The following SLC5A11 variants were observed in gnomAD, a reference collection of about 807,000 sequenced individuals.
The protein encoded by SLC5A11 is sodium/myo-inositol cotransporter 2.
SLC5A11 carries 48 observed loss-of-function variants against 69.8 expected under a neutral mutation model. The observed-to-expected ratio is 0.69, with a 90% CI of 0.55 to 0.87. The LOEUF (loss-of-function observed/expected upper bound fraction) is 0.87. Among genes scored for constraint, SLC5A11 ranks in the 40% least tolerant of loss-of-function variants. SLC5A11 has a pLI of 0.00. For synonymous variants in SLC5A11, 319 were observed against 342.4 expected, an observed-to-expected ratio of 0.93 and a Z score of 0.75; for missense variants, 784 against 866.1, an observed-to-expected ratio of 0.91 and a Z score of 1.19.
At chr16:24,901,841 T>C (rs2049615167) in intron 10 of SLC5A11, among the ~76,000 whole-genome samples, 1 of 151,312 alleles carries the variant, frequency 6.6e-6, no homozygotes, top group Non-Finnish European at 1.5e-5. Context: ...TCCCAGCTCT[T>C]TGGGAGGCCA....
chr16:24,908,252 G>C (rs2050222920), intron 13 of SLC5A11, 121 bp downstream of exon 14: 4 of 1,158,320 alleles, frequency 3.5e-6, no homozygotes, highest in Admixed American at 2.5e-5. Flanking sequence ...GAGAGGGAGG[G>C]TGAGTTCCAT....
intron 1 of SLC5A11, among the ~76,000 whole-genome samples, chr16:24,851,050 A>G (rs1174873722): frequency 3.3e-5 from 5 of 151,506 alleles, no homozygotes. Flanking sequence ...ACCTCAAGCA[A>G]TCCACCTGCC....
chr16:24,848,341 G>C (rs938968804), intron 1 of SLC5A11, among the ~76,000 whole-genome samples: 16 of 150,692 alleles, frequency 1.1e-4, no homozygotes, highest in African/African-American at 3.6e-4. Flanking sequence ...GGGTGAGGTG[G>C]CTCATGCCTG....
At chr16:24,896,506 A>AT (rs2049176007) in intron 9 of SLC5A11, among the ~76,000 whole-genome samples, 1 of 152,034 alleles carries the variant, frequency 6.6e-6, no homozygotes, top group African/African-American at 2.4e-5. Context: ...TAAAAAAAAA[A>AT]GGCATTTTAA....
chr16:24,893,116 C>CAAAAAAAAAAAAAAA (rs58331547), intron 9 of SLC5A11, among the ~76,000 whole-genome samples: 1 of 99,094 alleles, frequency 1.0e-5, no homozygotes, highest in African/African-American at 5.0e-5. Flanking sequence ...ACTAAAAATA[C>CAAAAAAAAAAAAAAA]AAAAAAAAAA....
rs1443035551 is a variant in SLC5A11, at chr16:24,905,640, G to GCGCACACA, written c.1007-1016_1007-1015insGCACACAC. On this transcript the variant is annotated intron_variant, in intron 10 of 15. Coordinates refer to ENST00000347898, the Ensembl canonical transcript of SLC5A11. ...CCATCTCAAAAACACGCGCGCGCGC[G>GCGCACACA]CACACACACACACACACACACACAC... Among the ~76,000 whole-genome samples, 112 of 136,780 alleles carry GCGCACACA rather than the reference G, an allele frequency of 8.2e-4. 1 individual carries two copies. Among genetic ancestry groups the GCGCACACA allele is most frequent in the African/African-American group, 2.7e-3 (96 of 35,502 alleles). The allele number at this position is 136,780 out of a possible 152,430, so 89.7% of individuals were successfully genotyped here.
intron 8 of SLC5A11, among the ~76,000 whole-genome samples, chr16:24,887,112 C>A (rs2048446935): frequency 6.6e-6 from 1 of 152,126 alleles, no homozygotes; most frequent in African/African-American, 2.4e-5. Flanking sequence ...AAAGTTGTAT[C>A]CTAAGTAAGG....
intron 1 of SLC5A11, among the ~76,000 whole-genome samples, chr16:24,850,606 C>T (rs8054332): frequency 0.21 from 31,804 of 152,048 alleles, 4,548 homozygotes; most frequent in African/African-American, 0.41. Context: ...CCACGTGTCT[C>T]GGGGTAGTTA....
At chr16:24,855,434 CAAAAA>C (rs143252263) in intron 1 of SLC5A11, among the ~76,000 whole-genome samples, 1 of 90,122 alleles carries the variant, frequency 1.1e-5, no homozygotes, top group South Asian at 3.4e-4. Context: ...TTCATCTCTA[CAAAAA>C]AAAAAAAAAA....
At chr16:24,858,557 A>G in intron 1 of SLC5A11, 63 bp from the exon 3 acceptor site, 1 of 1,472,182 alleles carries the variant, frequency 6.8e-7, no homozygotes, top group Admixed American at 2.0e-5. Flanking sequence ...GGAGGTAGCT[A>G]CAGAAAGGGT....
At chr16:24,895,333 AC>A (rs2049080713) in intron 9 of SLC5A11, among the ~76,000 whole-genome samples, 1 of 151,382 alleles carries the variant, frequency 6.6e-6, no homozygotes, top group Non-Finnish European at 1.5e-5. Flanking sequence ...TACTAAAAAT[AC>A]AAAAATTAGC....
Position 24,849,593 on chromosome 16 carries a change from AATATATATATATATAT to A in SLC5A11, c.-25+3170_-25+3185del, listed in dbSNP as rs1555515955. On this transcript the variant is annotated intron_variant, in intron 1 of 15. Transcript: ENST00000347898. ...GGGGCAAAAAAAAAAAAAAAAAAAA[AATATATATATATATAT>A]ATATATATATATATCCATGAGAGAT... Among the ~76,000 whole-genome samples the A allele has an allele frequency of 4.7e-4, 17 of 35,922 alleles. 1 individual carries two copies. The Admixed American group carries it at 5.3e-3, about 11-fold the overall frequency. The allele number at this position is 35,922 out of a possible 152,430, so 23.6% of individuals were successfully genotyped here.
At position 24,867,995 on chromosome 16, in the gene SLC5A11, G is replaced by T. The variant is rs922922403; in HGVS notation, c.208-1906G>T. ...CTACTAAAATACAAAAAATTAGCTG[G>T]TTGTGGTGGCATGTGCTTGTAATCC... On this transcript the variant is annotated intron_variant, in intron 3 of 15. Transcript: ENST00000347898. Among the ~76,000 whole-genome samples, 7 of 151,834 alleles carry T rather than the reference G, an allele frequency of 4.6e-5. No homozygotes were observed. The East Asian group carries it at 1.2e-3, about 25-fold the overall frequency.
At chr16:24,852,534 A>G (rs974749538) in intron 1 of SLC5A11, among the ~76,000 whole-genome samples, 3 of 152,212 alleles carry the variant, frequency 2.0e-5, no homozygotes, top group Admixed American at 1.3e-4. Flanking sequence ...GGGCACAGGG[A>G]GGGTTCTTCA....
chr16:24,872,076 G>T, intron 4 of SLC5A11, 84 bp from the exon 6 acceptor site: 1 of 1,500,318 alleles, frequency 6.7e-7, no homozygotes, highest in Non-Finnish European at 9.3e-7. Context: ...TTCAGGCCAG[G>T]CTGCCTCAGG....
intron 10 of SLC5A11, among the ~76,000 whole-genome samples, chr16:24,901,962 A>ACACGCGCGCGCG (rs1555532986): frequency 1.2e-4 from 15 of 125,718 alleles, no homozygotes; most frequent in African/African-American, 4.6e-4. Flanking sequence ...ACACACGCAC[A>ACACGCGCGCGCG]CACACACACA....
intron 1 of SLC5A11, among the ~76,000 whole-genome samples, chr16:24,849,591 AAAATATATAT>A (rs1221429163): frequency 5.2e-5 from 3 of 57,522 alleles, no homozygotes; most frequent in South Asian, 1.3e-3. Context: ...AAAAAAAAAA[AAAATATATAT>A]ATATATATAT....
chr16:24,849,591 A>ACATATATATATAT lies in SLC5A11; in HGVS notation c.-25+3153_-25+3154insCATATATATATAT, dbSNP rs60683631. ...TGGGGGCAAAAAAAAAAAAAAAAAA[A>ACATATATATATAT]AAATATATATATATATATATATATA... On this transcript the variant is annotated intron_variant, in intron 1 of 15. Transcript: ENST00000347898. Among the ~76,000 whole-genome samples, 134 of 57,504 alleles carry ACATATATATATAT rather than the reference A, an allele frequency of 2.3e-3. 3 individuals carry two copies. The highest frequency in any genetic ancestry group is 7.5e-3 in the African/African-American group (123 of 16,448). 37.7% of individuals were successfully genotyped at this position (57,504 alleles called of 152,430 possible).
chr16:24,911,506 C>T (rs137978405), exon 16 of SLC5A11: 97 of 1,613,984 alleles, frequency 6.0e-5, no homozygotes, highest in Middle Eastern at 1.6e-4. Flanking sequence ...TGAGCTGCGC[C>T]ATCTTTATCT....
Sources: allele counts gnomAD v4.1 joint callset (sites outside exome capture counted in the v4.1 genomes callset), GRCh38; gene constraint gnomAD v4.1.1; transcripts MANE v1.5; gene names NCBI Gene and HGNC (gene_info 2026-07-23, HGNC 2026-07-21).